The following MAP4K3 variants were observed in gnomAD, a reference collection of about 807,000 sequenced individuals.
The protein encoded by MAP4K3 is MAPK/ERK kinase kinase kinase 3.
In MAP4K3, 94 loss-of-function variants were observed where a neutral mutation model predicts 143.5. That is an observed-to-expected ratio of 0.65 (90% CI 0.55 to 0.78). The LOEUF (loss-of-function observed/expected upper bound fraction) is 0.78, where lower values mean the gene tolerates loss of function less well. MAP4K3 is among the 30% of genes least tolerant of loss of function. The pLI, the probability that MAP4K3 is intolerant of heterozygous loss-of-function variation, is 0.00. For synonymous variants in MAP4K3, 416 were observed against 347.2 expected (o/e 1.20, Z -2.20); for missense variants, 1,077 against 1,068.1 (o/e 1.01, Z -0.12).
At chr2:39,350,286 A>G (rs1381050052) in intron 3 of MAP4K3, among the ~76,000 whole-genome samples, 1 of 152,224 alleles carries the variant, frequency 6.6e-6, no homozygotes, top group Admixed American at 6.5e-5. Flanking sequence ...TAAAATCCAA[A>G]TAAGTATACT....
chr2:39,427,899 G>T (rs1665145568), intron 1 of MAP4K3, among the ~76,000 whole-genome samples: 1 of 152,082 alleles, frequency 6.6e-6, no homozygotes, highest in African/African-American at 2.4e-5. Flanking sequence ...TGTCTCCTTA[G>T]AATAGTTGTC....
intron 4 of MAP4K3, among the ~76,000 whole-genome samples, chr2:39,339,182 T>C (rs779278124): frequency 2.0e-5 from 3 of 152,196 alleles, no homozygotes; most frequent in Non-Finnish European, 2.9e-5. Flanking sequence ...TTTACAATTA[T>C]GAAAGAGAGA....
At chr2:39,364,940 A>G (rs936153263) in intron 2 of MAP4K3, among the ~76,000 whole-genome samples, 73 of 152,084 alleles carry the variant, frequency 4.8e-4, no homozygotes, top group African/African-American at 1.7e-3. Flanking sequence ...TCCAGGTAGC[A>G]GACTTCAGAG....
chr2:39,356,276 A>G lies in MAP4K3; in HGVS notation c.218T>C (p.Ile73Thr). The G allele has an allele frequency of 6.2e-7, 1 of 1,601,318 alleles. No individual in the cohort carries two copies. The highest frequency in any genetic ancestry group is 8.5e-7 in the Non-Finnish European group (1 of 1,173,754). Residue 73 changes from isoleucine (I) to threonine (T), a missense_variant, in exon 3 of 34, where the codon ATT becomes ACT. This residue lies in a region of MAP4K3 where 213 missense variants were observed against 266.8 expected (regional missense o/e 0.80). Transcript: ENST00000263881. ...IMMKDCKHPN[I>T]VAYFGSYLRR... ...GAGATAGCTTCCAAAATAAGCAACA[A>G]TATTTGGGTGTTTACAGTCTTTCAT...
chr2:39,368,744 AT>A (rs1259467679), intron 2 of MAP4K3, among the ~76,000 whole-genome samples: 1 of 152,146 alleles, frequency 6.6e-6, no homozygotes, highest in Admixed American at 6.5e-5. Context: ...GACGTTTTTA[AT>A]TTCTCAACTT....
chr2:39,342,661 A>G (rs1665177103), intron 4 of MAP4K3, among the ~76,000 whole-genome samples: 1 of 152,190 alleles, frequency 6.6e-6, no homozygotes, highest in South Asian at 2.1e-4. Flanking sequence ...ATTCTGACCC[A>G]AATAGTCTTA....
In MAP4K3 at chr2:39,371,902, T is replaced by C. The variant is rs1666092572; in HGVS notation, c.154+6164A>G. ...TGAATTGATCCCTTTATACATATAA[T>C]ATATATTACATATATTTATATATTA... is the stretch of plus-strand genomic sequence containing the variant. On this transcript the variant is annotated intron_variant, in intron 2 of 33. Coordinates refer to ENST00000263881, the MANE Select transcript of MAP4K3 (RefSeq NM_003618.4). Among the ~76,000 whole-genome samples the C allele has an allele frequency of 2.7e-5, 4 of 150,220 alleles. No homozygotes were observed. The South Asian group carries it at 8.3e-4, about 31-fold the overall frequency.
At chr2:39,327,535 C>T (rs1683535561) in intron 8 of MAP4K3, among the ~76,000 whole-genome samples, 1 of 152,128 alleles carries the variant, frequency 6.6e-6, no homozygotes, top group Non-Finnish European at 1.5e-5. Flanking sequence ...ATAAACATCT[C>T]AACTCTTCCA....
At chr2:39,332,068 A>T in intron 7 of MAP4K3, 79 bp from the exon 8 acceptor site, 3 of 737,496 alleles carry the variant, frequency 4.1e-6, no homozygotes, top group East Asian at 2.7e-5. Flanking sequence ...GAAACTTTTA[A>T]AAGTTATTTT....
intron 1 of MAP4K3, among the ~76,000 whole-genome samples, chr2:39,432,855 G>C (rs1665334326): frequency 6.6e-6 from 1 of 152,116 alleles, no homozygotes; most frequent in African/African-American, 2.4e-5. Flanking sequence ...ATCCTACCTG[G>C]AAGCTTAACA....
chr2:39,253,933 T>C (rs748195240), intron 32 of MAP4K3, among the ~76,000 whole-genome samples: 40 of 152,132 alleles, frequency 2.6e-4, no homozygotes, highest in Non-Finnish European at 2.5e-4. Context: ...ATGAGATGCA[T>C]AGCTAAAGGT....
At chr2:39,371,441 C>T (rs1288435696) in intron 2 of MAP4K3, among the ~76,000 whole-genome samples, 1 of 152,168 alleles carries the variant, frequency 6.6e-6, no homozygotes, top group Non-Finnish European at 1.5e-5. Context: ...GACTTAGGTT[C>T]TCCAGGAAAG....
intron 13 of MAP4K3, among the ~76,000 whole-genome samples, chr2:39,310,983 TA>T (rs1682919522): frequency 6.6e-6 from 1 of 152,220 alleles, no homozygotes; most frequent in South Asian, 2.1e-4. Flanking sequence ...ATTTCCACAG[TA>T]AGAAAAGAAG....
chr2:39,282,149 T>C (rs1413503749), intron 22 of MAP4K3, among the ~76,000 whole-genome samples: 1 of 150,078 alleles, frequency 6.7e-6, no homozygotes, highest in Non-Finnish European at 1.5e-5. Flanking sequence ...GAGCTGAGAT[T>C]ATGCCACTGC....
At chr2:39,353,688 G>A (rs1248320849) in intron 3 of MAP4K3, among the ~76,000 whole-genome samples, 1 of 152,164 alleles carries the variant, frequency 6.6e-6, no homozygotes, top group Non-Finnish European at 1.5e-5. Flanking sequence ...AAGACCAAAT[G>A]AGGCACTAAA....
intron 1 of MAP4K3, among the ~76,000 whole-genome samples, chr2:39,396,407 T>C (rs1157775304): frequency 1.3e-5 from 2 of 151,952 alleles, no homozygotes; most frequent in Non-Finnish European, 2.9e-5. Flanking sequence ...TAAAAGACAA[T>C]TCAGTTTACA....
At chr2:39,399,225 T>C (rs548794417) in intron 1 of MAP4K3, among the ~76,000 whole-genome samples, 21 of 152,302 alleles carry the variant, frequency 1.4e-4, no homozygotes, top group Admixed American at 1.1e-3. Context: ...GTTCAAGCTA[T>C]AGTTGTAATT....
At chr2:39,333,735 C>G (rs1020934064) in intron 6 of MAP4K3, among the ~76,000 whole-genome samples, 161 bp from the exon 7 acceptor site, 2 of 152,056 alleles carry the variant, frequency 1.3e-5, no homozygotes, top group African/African-American at 4.8e-5. Flanking sequence ...ATAGGTAAAT[C>G]TACTGTCCAC....
intron 1 of MAP4K3, among the ~76,000 whole-genome samples, chr2:39,415,030 A>G (rs1259304870): frequency 1.3e-5 from 2 of 152,242 alleles, no homozygotes; most frequent in Non-Finnish European, 2.9e-5. Flanking sequence ...TAGAGAACTG[A>G]AAAGTTCAAG....
Sources: gnomAD v4.1 joint callset for allele counts (sites outside exome capture counted in the v4.1 genomes callset) on GRCh38, gnomAD v4.1.1 for gene constraint, gnomAD v4.1.1 regional missense constraint, MANE v1.5 for transcripts, NCBI Gene and HGNC (gene_info 2026-07-23, HGNC 2026-07-21) for gene names.